AMER3: variants seen among roughly 807,000 people sequenced by gnomAD.
AMER3 encodes family with sequence similarity 123C.
For synonymous variants in AMER3, 541 were observed against 485.5 expected, an observed-to-expected ratio of 1.11 and a Z score of -1.50; for missense variants, 1,201 against 1,139.4, an observed-to-expected ratio of 1.05 and a Z score of -0.78.
rs1204443975 is a variant in AMER3 at position 130,762,609 on chromosome 2, C to G, written c.537C>G (p.Ala179=). 5 of 1,612,392 alleles carry G rather than the reference C, an allele frequency of 3.1e-6. No homozygotes were observed. The highest frequency in any genetic ancestry group is 3.4e-6 in the Non-Finnish European group (4 of 1,179,944). ...CTGAGGACTTGGCCTCGCTGGCGGCCGAGGGGAAAAGCCTGCCCTCCCCAG... is the reference window on the plus strand; with the variant it reads ...CTGAGGACTTGGCCTCGCTGGCGGCGGAGGGGAAAAGCCTGCCCTCCCCAG... ...NKTEDLASLA[A]EGKSLPSPGD... The change falls in exon 2 of 2, where the codon GCC becomes GCG. Residue 179 remains alanine (A), a synonymous_variant. Transcript: ENST00000321420.
Position 130,763,664 on chromosome 2 carries a change from C to A in AMER3, c.1592C>A (p.Pro531His). Reference protein sequence around the residue: ...PPTPGQPAAPPGSQGAPRAPT... With the variant: ...PPTPGQPAAPHGSQGAPRAPT... Reference sequence around the variant, plus strand: ...ACCCCTGGGCAGCCTGCAGCTCCACCTGGTTCCCAGGGAGCCCCTAGGGCA... The same window carrying A: ...ACCCCTGGGCAGCCTGCAGCTCCACATGGTTCCCAGGGAGCCCCTAGGGCA... The change falls in exon 2 of 2, where the codon CCT becomes CAT. Residue 531 changes from proline (P) to histidine (H), a missense_variant. Physicochemically the swap from Pro to His is moderately conservative, Grantham distance 77 (BLOSUM62 -2). Transcript: ENST00000321420. The A allele has an allele frequency of 6.5e-7, 1 of 1,527,620 alleles. No homozygotes were observed. The highest frequency in any genetic ancestry group is 8.8e-7 in the Non-Finnish European group (1 of 1,139,330). 94.6% of individuals were successfully genotyped at this position (1,527,620 alleles called of 1,614,324 possible).
At chr2:130,756,615 C>T (rs1412917385) in intron 1 of AMER3, among the ~76,000 whole-genome samples, 1 of 152,096 alleles carries the variant, frequency 6.6e-6, no homozygotes, top group African/African-American at 2.4e-5. Flanking sequence ...CCGGCGGATG[C>T]AGGAGCTGAG....
At chr2:130,756,871 C>T (rs1034323210) in intron 1 of AMER3, among the ~76,000 whole-genome samples, 10 of 151,850 alleles carry the variant, frequency 6.6e-5, no homozygotes, top group African/African-American at 1.2e-4. Context: ...TCACTCCAGC[C>T]CTCCCATGAC....
rs749347187 is a variant in AMER3, at chr2:130,762,126, C to T, written c.54C>T (p.His18=). 126 of 1,610,720 alleles carry T rather than the reference C, an allele frequency of 7.8e-5. 1 individual carries two copies. The East Asian group carries it at 2.4e-3, about 31-fold the overall frequency. ...TCAAGTCCAGCCTGCAGGTTTCCCA[C>T]GAGAAACCCCCAGACCCAGCAGCCG... ...TFIKSSLQVS[H]EKPPDPAAVA... The change falls in exon 2 of 2, where the codon CAC becomes CAT. Residue 18 remains histidine (H), a synonymous_variant. Transcript: ENST00000321420.
chr2:130,767,010 T>G lies in AMER3; in HGVS notation c.*2352T>G, dbSNP rs952015638. ...CCTGCAAGTAACAAAGGCTTTTGAC[T>G]CCACTCCCTCCACGCTGTCAGATCG... On this transcript the variant is annotated 3_prime_UTR_variant, in exon 2 of 2. Transcript: ENST00000321420. The G allele has an allele frequency of 2.9e-4, 49 of 167,086 alleles. No homozygotes were observed. Among genetic ancestry groups the G allele is most frequent in the African/African-American group, 1.0e-3 (42 of 41,458 alleles). The allele number at this position is 167,086 out of a possible 1,614,324, so 10.4% of individuals were successfully genotyped here. A position where few individuals can be genotyped will look rare whatever the true frequency, so the allele number is the denominator to read the frequency against.
intron 1 of AMER3, among the ~76,000 whole-genome samples, chr2:130,758,237 G>T (rs929363788): frequency 8.5e-5 from 13 of 152,122 alleles, no homozygotes; most frequent in African/African-American, 2.9e-4. Flanking sequence ...GGTGGTGCGT[G>T]CCTGTAGTCC....
Position 130,762,724 on chromosome 2 carries a change from T to C in AMER3, c.652T>C (p.Leu218=). The change falls in exon 2 of 2, where the codon TTG becomes CTG. Residue 218 remains leucine (L), a synonymous_variant. Transcript: ENST00000321420. ...PGLDGLCQDL[L]DSELLADASF... The stretch of plus-strand genomic sequence containing the variant: ...GCTGGACGGCCTGTGCCAGGACCTG[T>C]TGGACAGCGAGCTCCTGGCCGATGC... 1 of 1,611,968 alleles carries C rather than the reference T, an allele frequency of 6.2e-7. No homozygotes were observed. Among genetic ancestry groups the C allele is most frequent in the South Asian group, 1.1e-5 (1 of 91,024 alleles).
At position 130,762,585 on chromosome 2, in the gene AMER3, T is replaced by C. The variant is rs370256234; in HGVS notation, c.513T>C (p.Thr171=). The change falls in exon 2 of 2, where the codon ACT becomes ACC. Residue 171 remains threonine, a synonymous_variant. Coordinates refer to ENST00000321420, the MANE Select transcript of AMER3 (RefSeq NM_152698.3). ...TATTCCACATTCGGAGAAACAAGACTGAGGACTTGGCCTCGCTGGCGGCCG... is the reference window on the plus strand; with the variant it reads ...TATTCCACATTCGGAGAAACAAGACCGAGGACTTGGCCTCGCTGGCGGCCG... The part of the protein sequence containing the change: ...RNLFHIRRNK[T]EDLASLAAEG... 5.1e-5 allele frequency: 82 copies of C among 1,613,238 alleles called. No homozygotes were observed. Among genetic ancestry groups the C allele is most frequent in the Middle Eastern group, 3.3e-4 (2 of 6,062 alleles).
chr2:130,759,578 T>C (rs868693729), intron 1 of AMER3, among the ~76,000 whole-genome samples: 43 of 152,354 alleles, frequency 2.8e-4, no homozygotes, highest in African/African-American at 9.9e-4. Flanking sequence ...GAATTATTAT[T>C]ACCTTCAATT....
chr2:130,763,204 G>A lies in AMER3; in HGVS notation c.1132G>A (p.Glu378Lys), dbSNP rs374958959. The A allele has an allele frequency of 7.3e-5, 118 of 1,613,638 alleles. No individual in the cohort carries two copies. Among genetic ancestry groups the A allele is most frequent in the Non-Finnish European group, 9.7e-5 (115 of 1,180,028 alleles). Residue 378 changes from glutamate (E) to lysine (K), a missense_variant, in exon 2 of 2, where the codon GAA (glutamate) becomes AAA (lysine). Glu to Lys is a moderately conservative substitution (Grantham distance 56, BLOSUM62 1). Transcript: ENST00000321420. Reference protein sequence around the residue: ...DTGTPKSEQPESVSTSDEGYY... With the variant: ...DTGTPKSEQPKSVSTSDEGYY... ...AGGCACCCCCAAGAGCGAGCAGCCC[G>A]AATCCGTGTCCACAAGTGACGAGGG...
At position 130,763,780 on chromosome 2, in the gene AMER3, G is replaced by T. The variant is rs1678890244; in HGVS notation, c.1708G>T (p.Ala570Ser). 1 of 1,604,498 alleles carries T rather than the reference G, an allele frequency of 6.2e-7. No homozygotes were observed. The highest frequency in any genetic ancestry group is 8.5e-7 in the Non-Finnish European group (1 of 1,175,424). ...CSAPSRQELWAHPGTTGLLAG... is the reference protein window; with the variant it reads ...CSAPSRQELWSHPGTTGLLAG... ...AGCACCCAGCAGGCAGGAGCTGTGG[G>T]CACACCCGGGCACCACAGGCCTGCT... The change falls in exon 2 of 2, where the codon GCA (alanine) becomes TCA (serine). Residue 570 changes from alanine to serine, a missense_variant. By Grantham distance (99) the Ala-to-Ser change is moderately conservative. Transcript: ENST00000321420.
intron 1 of AMER3, among the ~76,000 whole-genome samples, chr2:130,761,402 C>T (rs1228178514): frequency 6.6e-6 from 1 of 152,256 alleles, no homozygotes; most frequent in Non-Finnish European, 1.5e-5. Flanking sequence ...CCTTGCAGCT[C>T]TGCCTGCCCA....
Position 130,762,512 on chromosome 2 carries a change from C to T in AMER3, c.440C>T (p.Pro147Leu), listed in dbSNP as rs1322471915. 4.3e-6 allele frequency: 7 copies of T among 1,613,258 alleles called. No individual in the cohort carries two copies. The highest frequency in any genetic ancestry group is 1.6e-4 in the Middle Eastern group (1 of 6,084). ...PFVPAVAKSI[P>L]RKRISLKRPK... Reference sequence around the variant, plus strand: ...GTGCCAGCTGTGGCCAAGAGCATCCCGAGGAAGAGGATTTCCCTGAAGAGG... The same window carrying T: ...GTGCCAGCTGTGGCCAAGAGCATCCTGAGGAAGAGGATTTCCCTGAAGAGG... The change falls in exon 2 of 2, where the codon CCG (proline) becomes CTG (leucine). Residue 147 changes from proline to leucine, a missense_variant. Pro to Leu is a moderately conservative substitution (Grantham distance 98). Coordinates refer to ENST00000321420, the MANE Select transcript of AMER3 (RefSeq NM_152698.3).
chr2:130,759,893 G>C (rs907499303), intron 1 of AMER3, among the ~76,000 whole-genome samples: 6 of 152,214 alleles, frequency 3.9e-5, no homozygotes, highest in Non-Finnish European at 8.8e-5. Flanking sequence ...GGGCCAAGCT[G>C]TCTGCCTGGT....
At chr2:130,756,493 T>G (rs988957031) in intron 1 of AMER3, 3 of 152,718 alleles carry the variant, frequency 2.0e-5, no homozygotes, top group Non-Finnish European at 4.4e-5. Flanking sequence ...ATGGACGGGC[T>G]GAGGGCAGGA....
chr2:130,763,658 C>G lies in AMER3; in HGVS notation c.1586C>G (p.Ala529Gly), dbSNP rs773346681. 3 of 1,526,508 alleles carry G rather than the reference C, an allele frequency of 2.0e-6. No homozygotes were observed. In the African/African-American group the frequency reaches 4.1e-5, roughly 21 times the overall value. The allele number at this position is 1,526,508 out of a possible 1,614,324, so 94.6% of individuals were successfully genotyped here. A position where few individuals can be genotyped will look rare whatever the true frequency, so the allele number is the denominator to read the frequency against. ...CCACCCACCCCTGGGCAGCCTGCAG[C>G]TCCACCTGGTTCCCAGGGAGCCCCT... Reference protein sequence around the residue: ...RAPPTPGQPAAPPGSQGAPRA... With the variant: ...RAPPTPGQPAGPPGSQGAPRA... Residue 529 changes from alanine (A) to glycine (G), a missense_variant, in exon 2 of 2, where the codon GCT becomes GGT. By Grantham distance (60) the Ala-to-Gly change is moderately conservative (BLOSUM62 0). Transcript: ENST00000321420.
rs1426883621 is a variant in AMER3, at chr2:130,763,612, C to T, written c.1540C>T (p.Arg514Ter). The T allele has an allele frequency of 2.5e-6, 4 of 1,577,106 alleles. No homozygotes were observed. The highest frequency in any genetic ancestry group is 1.3e-5 in the African/African-American group (1 of 74,404). ...ITMGIVSWLR[R>*]GPTPRAPPTP... Reference sequence around the variant, plus strand: ...CATGGGCATCGTCAGCTGGCTGCGCCGAGGCCCCACGCCCCGTGCCCCACC... The same window carrying T: ...CATGGGCATCGTCAGCTGGCTGCGCTGAGGCCCCACGCCCCGTGCCCCACC... The change falls in exon 2 of 2, where the codon CGA becomes TGA. Residue 514 changes from arginine (R) to a stop codon, truncating the protein, a stop_gained. Transcript: ENST00000321420. LOFTEE classifies it low-confidence loss of function (END_TRUNC).
At position 130,766,618 on chromosome 2, in the gene AMER3, TC is replaced by T. The variant is rs1278424747; in HGVS notation, c.*1963del. ...CTCAAGCAGTCCTCCCACCTCAGCC[TC>T]CCAAGTAGCTGGGACTACAGGCGTG... On this transcript the variant is annotated 3_prime_UTR_variant, in exon 2 of 2. Coordinates refer to ENST00000321420, the MANE Select transcript of AMER3 (RefSeq NM_152698.3). 3 of 150,200 alleles carry T rather than the reference TC, an allele frequency of 2.0e-5. No individual in the cohort carries two copies. Among genetic ancestry groups the T allele is most frequent in the Admixed American group, 6.7e-5 (1 of 14,916 alleles). The allele number at this position is 150,200 out of a possible 1,614,324, so 9.3% of individuals were successfully genotyped here.
At chr2:130,761,955 C>G in intron 1 of AMER3, 99 bp from the exon 2 acceptor site, 1 of 1,165,840 alleles carries the variant, frequency 8.6e-7, no homozygotes, top group East Asian at 2.6e-5. Flanking sequence ...GACAGAGGCC[C>G]CTGCAGAGAG....
Sources: allele counts gnomAD v4.1 joint callset (sites outside exome capture counted in the v4.1 genomes callset), GRCh38; gene constraint gnomAD v4.1.1; transcripts MANE v1.5; gene names NCBI Gene and HGNC (gene_info 2026-07-23, HGNC 2026-07-21).